THSD7B: variants seen among roughly 807,000 people sequenced by gnomAD.
The protein encoded by THSD7B is thrombospondin type 1 domain containing 7B.
Under a neutral mutation model 213.6 loss-of-function variants are expected in THSD7B, and 138 were observed. The ratio of observed to expected loss-of-function variants is 0.65; its 90% confidence interval spans 0.56 to 0.74. The LOEUF is 0.74. Among genes scored for constraint, THSD7B ranks in the 30% least tolerant of loss-of-function variants. The pLI, the probability that THSD7B is intolerant of heterozygous loss-of-function variation, is 0.00. For synonymous variants in THSD7B, 742 were observed against 687.0 expected, an observed-to-expected ratio of 1.08 and a Z score of -1.25; for missense variants, 1,931 against 1,991.5, an observed-to-expected ratio of 0.97 and a Z score of 0.58.
intron 2 of THSD7B, among the ~76,000 whole-genome samples, chr2:136,896,859 AG>A (rs1241915350): frequency 1.3e-5 from 2 of 152,068 alleles, no homozygotes; most frequent in African/African-American, 4.8e-5. Context: ...TGTAAATATT[AG>A]AGTTTATTTC....
intron 1 of THSD7B, among the ~76,000 whole-genome samples, chr2:136,803,049 T>C (rs1289954164): frequency 1.0e-5 from 1 of 97,840 alleles, no homozygotes; most frequent in East Asian, 3.1e-4. Context: ...GCTCATAAAA[T>C]CATTTGATAA....
chr2:137,349,221 T>A (rs1251605775), intron 12 of THSD7B, among the ~76,000 whole-genome samples: 1 of 151,736 alleles, frequency 6.6e-6, no homozygotes, highest in Non-Finnish European at 1.5e-5. Context: ...ATCATGGGCA[T>A]CTTCAAATCA....
chr2:137,539,293 G>T (rs1016849199), intron 15 of THSD7B, among the ~76,000 whole-genome samples: 1 of 151,382 alleles, frequency 6.6e-6, no homozygotes, highest in South Asian at 2.1e-4. Context: ...TTTTTTTCAC[G>T]TGCAGGGTTT....
intron 1 of THSD7B, among the ~76,000 whole-genome samples, chr2:136,800,492 G>A (rs1682156855): frequency 1.3e-5 from 2 of 151,934 alleles, no homozygotes; most frequent in Non-Finnish European, 2.9e-5. Flanking sequence ...CCAGCTTGTG[G>A]CTTCCAAATG....
intron 2 of THSD7B, among the ~76,000 whole-genome samples, chr2:136,900,778 A>G (rs976271610): frequency 2.0e-5 from 3 of 152,214 alleles, no homozygotes; most frequent in Non-Finnish European, 4.4e-5. Flanking sequence ...AAAAATGTTA[A>G]TATCTGTAAA....
At chr2:137,595,722 A>G (rs1681945389) in intron 17 of THSD7B, among the ~76,000 whole-genome samples, 1 of 151,954 alleles carries the variant, frequency 6.6e-6, no homozygotes, top group African/African-American at 2.4e-5. Context: ...TTGTATAGAT[A>G]TATGTACACA....
intron 12 of THSD7B, among the ~76,000 whole-genome samples, chr2:137,346,466 A>G (rs1684878468): frequency 6.6e-6 from 1 of 150,868 alleles, no homozygotes; most frequent in African/African-American, 2.4e-5. Context: ...TGTGCATAAT[A>G]TTAATATTCC....
intron 2 of THSD7B, among the ~76,000 whole-genome samples, chr2:136,997,189 G>A (rs1391868587): frequency 1.3e-5 from 2 of 152,096 alleles, no homozygotes; most frequent in African/African-American, 4.8e-5. Flanking sequence ...CCTGGTGTAG[G>A]AAACCACTCC....
chr2:137,304,357 A>C (rs1683689162), intron 12 of THSD7B, among the ~76,000 whole-genome samples: 1 of 152,202 alleles, frequency 6.6e-6, no homozygotes. Flanking sequence ...TGAGAAGTAG[A>C]GATGCAGTAA....
intron 14 of THSD7B, among the ~76,000 whole-genome samples, chr2:137,427,856 G>A (rs1032556137): frequency 6.6e-6 from 1 of 151,962 alleles, no homozygotes; most frequent in Non-Finnish European, 1.5e-5. Flanking sequence ...ACAAAAACAG[G>A]GAACTATGTG....
intron 5 of THSD7B, among the ~76,000 whole-genome samples, chr2:137,144,067 C>T (rs1679643895): frequency 6.6e-6 from 1 of 152,002 alleles, no homozygotes; most frequent in South Asian, 2.1e-4. Flanking sequence ...ATGGGTAGGG[C>T]AACAGACAGC....
At chr2:136,784,725 G>A (rs2104909148) in intron 1 of THSD7B, among the ~76,000 whole-genome samples, 1 of 152,228 alleles carries the variant, frequency 6.6e-6, no homozygotes. Flanking sequence ...TCATCATGAT[G>A]AAATATTTGT....
intron 25 of THSD7B, among the ~76,000 whole-genome samples, chr2:137,662,951 G>C (rs1177688117): frequency 6.6e-6 from 1 of 151,920 alleles, no homozygotes; most frequent in African/African-American, 2.4e-5. Flanking sequence ...TATAATCCCA[G>C]CTACTCGGAA....
At chr2:137,303,430 T>C (rs1040991809) in intron 12 of THSD7B, among the ~76,000 whole-genome samples, 1 of 151,888 alleles carries the variant, frequency 6.6e-6, no homozygotes, top group African/African-American at 2.4e-5. Flanking sequence ...TTTAAACTTG[T>C]ATTTAATCTT....
chr2:137,465,876 C>A (rs1687982374), intron 15 of THSD7B, among the ~76,000 whole-genome samples: 1 of 152,116 alleles, frequency 6.6e-6, no homozygotes, highest in African/African-American at 2.4e-5. Context: ...AAGCTTCCAA[C>A]AACTTTCTAT....
At chr2:137,452,568 G>T (rs1040627945) in intron 15 of THSD7B, among the ~76,000 whole-genome samples, 1 of 152,048 alleles carries the variant, frequency 6.6e-6, no homozygotes. Context: ...AATTCTTTTT[G>T]TATCTTCCTC....
At chr2:137,320,151 G>A (rs944705927) in intron 12 of THSD7B, among the ~76,000 whole-genome samples, 4 of 152,186 alleles carry the variant, frequency 2.6e-5, no homozygotes, top group Non-Finnish European at 5.9e-5. Context: ...TCTGTTATTA[G>A]CAGCTGAATC....
At chr2:137,017,516 CAT>C (rs1223518305) in intron 2 of THSD7B, among the ~76,000 whole-genome samples, 1 of 152,152 alleles carries the variant, frequency 6.6e-6, no homozygotes, top group African/African-American at 2.4e-5. Context: ...TATAAGGTAT[CAT>C]AGAAGCCAAT....
At chr2:136,794,780 A>T (rs893345989) in intron 1 of THSD7B, among the ~76,000 whole-genome samples, 3 of 152,020 alleles carry the variant, frequency 2.0e-5, no homozygotes, top group African/African-American at 7.2e-5. Flanking sequence ...TTCTTGAGAG[A>T]AGGAGTTGTT....
Sources: gnomAD v4.1 joint callset for allele counts (sites outside exome capture counted in the v4.1 genomes callset) on GRCh38, gnomAD v4.1.1 for gene constraint, MANE v1.5 for transcripts, NCBI Gene and HGNC (gene_info 2026-07-23, HGNC 2026-07-21) for gene names.